The following USP31 variants were observed in gnomAD, a reference collection of about 807,000 sequenced individuals.
The protein encoded by USP31 is ubiquitin specific peptidase 31.
A neutral mutation model predicts 119.4 loss-of-function variants in USP31; 44 were observed. That is an observed-to-expected ratio of 0.37 (90% CI 0.29 to 0.47). USP31 has a LOEUF of 0.47. USP31 is among the 20% of genes least tolerant of loss of function. The pLI, the probability that USP31 is intolerant of heterozygous loss-of-function variation, is 0.99. For synonymous variants in USP31, 749 were observed against 705.6 expected (o/e 1.06, Z -0.97); for missense variants, 1,643 against 1,730.2 (o/e 0.95, Z 0.89).
intron 1 of USP31, among the ~76,000 whole-genome samples, chr16:23,142,739 G>A (rs1006695796): frequency 1.7e-4 from 26 of 152,182 alleles, no homozygotes; most frequent in African/African-American, 6.3e-4. Flanking sequence ...GAGGTGTGGA[G>A]CTTTGCTAAA....
At chr16:23,091,321 T>G (rs1042211477) in intron 6 of USP31, among the ~76,000 whole-genome samples, 3 of 152,134 alleles carry the variant, frequency 2.0e-5, no homozygotes, top group Non-Finnish European at 4.4e-5. Flanking sequence ...ACTGGATCAA[T>G]CCACATTAAA....
At chr16:23,115,717 C>T in intron 1 of USP31, 1 of 925,306 alleles carries the variant, frequency 1.1e-6, no homozygotes, top group Non-Finnish European at 1.3e-6. Flanking sequence ...TGGGATGATC[C>T]TTAGCATATA....
chr16:23,146,137 AGAG>A (rs1221709134), intron 1 of USP31, among the ~76,000 whole-genome samples: 1 of 151,310 alleles, frequency 6.6e-6, no homozygotes, highest in Non-Finnish European at 1.5e-5. Flanking sequence ...ATTTTGGAAA[AGAG>A]GAGAAAACCA....
At chr16:23,104,186 G>A (rs1901998272) in intron 5 of USP31, among the ~76,000 whole-genome samples, 1 of 152,140 alleles carries the variant, frequency 6.6e-6, no homozygotes, top group South Asian at 2.1e-4. Flanking sequence ...CTAACATTCT[G>A]CAAATCTACC....
At chr16:23,126,971 G>A (rs895501509) in intron 1 of USP31, among the ~76,000 whole-genome samples, 1 of 152,112 alleles carries the variant, frequency 6.6e-6, no homozygotes, top group Admixed American at 6.5e-5. Flanking sequence ...AAAATTTAGG[G>A]AGAAAGGCAA....
chr16:23,142,291 G>A (rs375595555), intron 1 of USP31, among the ~76,000 whole-genome samples: 2 of 152,174 alleles, frequency 1.3e-5, no homozygotes, highest in East Asian at 1.9e-4. Context: ...GTTGATATAC[G>A]TGTTGAAACA....
chr16:23,077,726 A>G (rs1271728832), intron 13 of USP31, among the ~76,000 whole-genome samples: 1 of 152,228 alleles, frequency 6.6e-6, no homozygotes, highest in Non-Finnish European at 1.5e-5. Flanking sequence ...TCCAAATCCT[A>G]GACACTCACA....
At position 23,068,985 on chromosome 16, in the gene USP31, C is replaced by T. The variant is rs759648088; in HGVS notation, c.3120G>A (p.Arg1040=). The change falls in exon 16 of 16, where the codon CGG becomes CGA. Residue 1040 remains arginine, a synonymous_variant. Transcript: ENST00000219689. ...KGTSEPEKSL[R]KGRPALASQE... Reference sequence around the variant, plus strand: ...GGCTTGCCAAGGCTGGTCTCCCCTTCCGCAAGCTTTTCTCTGGCTCAGAAG... The same window carrying T: ...GGCTTGCCAAGGCTGGTCTCCCCTTTCGCAAGCTTTTCTCTGGCTCAGAAG... 6.2e-7 allele frequency: 1 copy of T among 1,614,146 alleles called. No homozygotes were observed. The highest frequency in any genetic ancestry group is 8.5e-7 in the Non-Finnish European group (1 of 1,180,028).
chr16:23,097,830 A>G (rs1414515925), intron 6 of USP31, among the ~76,000 whole-genome samples: 1 of 152,228 alleles, frequency 6.6e-6, no homozygotes, highest in African/African-American at 2.4e-5. Context: ...TATCAAAATA[A>G]TAAGAGCTAT....
intron 12 of USP31, among the ~76,000 whole-genome samples, chr16:23,081,789 G>A (rs1322706126): frequency 6.6e-6 from 1 of 152,174 alleles, no homozygotes; most frequent in Non-Finnish European, 1.5e-5. Flanking sequence ...CGTGCAGGCT[G>A]TGCTTTCTCC....
intron 2 of USP31, among the ~76,000 whole-genome samples, chr16:23,107,493 T>C (rs1902156583): frequency 1.3e-5 from 2 of 152,234 alleles, no homozygotes; most frequent in East Asian, 3.8e-4. Flanking sequence ...TCAAAAACTT[T>C]AAAAGCTGCC....
chr16:23,090,725 T>C lies in USP31; in HGVS notation c.1314A>G (p.Ala438=). The change falls in exon 7 of 16, where the codon GCA becomes GCG. Residue 438 remains alanine, a synonymous_variant. Coordinates refer to ENST00000219689, the MANE Select transcript of USP31 (RefSeq NM_020718.4). ...YHRLSSPTQT[A]AKQGKMDSPT... is the part of the protein sequence containing the mutation. Reference sequence around the variant, plus strand: ...GAGAATCCATTTTCCCCTGCTTTGCTGCTGTTTGTGTAGGAGAAGACAGTC... The same window carrying C: ...GAGAATCCATTTTCCCCTGCTTTGCCGCTGTTTGTGTAGGAGAAGACAGTC... 1 of 1,614,160 alleles carries C rather than the reference T, an allele frequency of 6.2e-7. No individual in the cohort carries two copies. The highest frequency in any genetic ancestry group is 1.6e-4 in the Middle Eastern group (1 of 6,062).
Position 23,090,697 on chromosome 16 carries a change from T to C in USP31, c.1342A>G (p.Thr448Ala), listed in dbSNP as rs1901320721. The change falls in exon 7 of 16, where the codon ACA (threonine) becomes GCA (alanine). Residue 448 changes from threonine to alanine, a missense_variant. Around this residue, in one of 5 missense-constraint regions of USP31, gnomAD observed 219 missense variants for 226.4 expected, o/e 0.97. Coordinates refer to ENST00000219689, the MANE Select transcript of USP31 (RefSeq NM_020718.4). ...AAKQGKMDSP[T>A]SRAGSDKIVL... ...ATCTTGTCGCTGCCTGCTCTTGATG[T>C]GGGAGAATCCATTTTCCCCTGCTTT... 1 of 1,614,180 alleles carries C rather than the reference T, an allele frequency of 6.2e-7. No individual in the cohort carries two copies. Among genetic ancestry groups the C allele is most frequent in the African/African-American group, 1.3e-5 (1 of 75,042 alleles).
intron 6 of USP31, among the ~76,000 whole-genome samples, chr16:23,093,022 T>C (rs1042498564): frequency 6.6e-6 from 1 of 152,176 alleles, no homozygotes; most frequent in Non-Finnish European, 1.5e-5. Context: ...TCATACAATT[T>C]ATAAAGGTTA....
At chr16:23,084,821 C>A in intron 11 of USP31, 39 bp downstream of exon 11, 1 of 1,611,322 alleles carries the variant, frequency 6.2e-7, no homozygotes, top group Non-Finnish European at 8.5e-7. Flanking sequence ...CCACTCCCCA[C>A]TGCCCTGAGC....
chr16:23,144,476 CT>C (rs112546615), intron 1 of USP31, among the ~76,000 whole-genome samples: 144 of 145,232 alleles, frequency 9.9e-4, no homozygotes, highest in Non-Finnish European at 1.1e-3. Context: ...GTTTACCTTT[CT>C]TTTTTTTTTT....
chr16:23,138,891 C>T (rs886228555), intron 1 of USP31, among the ~76,000 whole-genome samples: 10 of 152,202 alleles, frequency 6.6e-5, no homozygotes, highest in African/African-American at 2.4e-4. Flanking sequence ...TTGCACAGCA[C>T]TCGTCCTATC....
intron 2 of USP31, among the ~76,000 whole-genome samples, chr16:23,107,420 A>G (rs1443007832): frequency 2.6e-5 from 4 of 152,206 alleles, no homozygotes; most frequent in Non-Finnish European, 5.9e-5. Flanking sequence ...AGGACCTTGA[A>G]TCAGAATAAT....
chr16:23,092,939 T>C (rs1334245393), intron 6 of USP31, among the ~76,000 whole-genome samples: 1 of 152,120 alleles, frequency 6.6e-6, no homozygotes, highest in East Asian at 1.9e-4. Flanking sequence ...ATGAGGACAG[T>C]ACAATCTCTT....
Sources: gnomAD v4.1 joint callset for allele counts (sites outside exome capture counted in the v4.1 genomes callset) on GRCh38, gnomAD v4.1.1 for gene constraint, gnomAD v4.1.1 regional missense constraint, MANE v1.5 for transcripts, NCBI Gene and HGNC (gene_info 2026-07-23, HGNC 2026-07-21) for gene names.